MYH14: variants seen among roughly 807,000 people sequenced by gnomAD.
The protein encoded by MYH14 is myosin-14.
MYH14 carries 123 observed loss-of-function variants against 255.5 expected under a neutral mutation model. The ratio of observed to expected loss-of-function variants is 0.48; its 90% CI spans 0.42 to 0.56. The LOEUF (loss-of-function observed/expected upper bound fraction) is 0.56. Among genes scored for constraint, MYH14 ranks in the 20% least tolerant of loss-of-function variants. The pLI is 0.00. For missense variants in MYH14, 2,423 were observed against 2,802.3 expected (o/e 0.86, Z 3.06); for synonymous variants, 1,095 against 1,161.2 (o/e 0.94, Z 1.16).
At chr19:50,259,691 C>G (rs549765090) in intron 19 of MYH14, among the ~76,000 whole-genome samples, 2 of 152,154 alleles carry the variant, frequency 1.3e-5, no homozygotes, top group African/African-American at 4.8e-5. Flanking sequence ...CCAGCCTGAC[C>G]AACGTGGAGA....
At position 50,250,347 on chromosome 19, in the gene MYH14, C is replaced by T. The variant is rs374900103; in HGVS notation, c.1657-168C>T. On this transcript the variant is annotated intron_variant, in intron 14 of 42. Transcript: ENST00000642316. The surrounding 1 kb of genome is among the most constrained non-coding windows in gnomAD (Gnocchi z 5.4). ...CGATCTCCTGACCTCGTGATCTACC[C>T]GCCTCGGCCTCCCAAAGTGCTGGGA... Among the ~76,000 whole-genome samples, 21 of 151,476 alleles carry T rather than the reference C, an allele frequency of 1.4e-4. No homozygotes were observed. The East Asian group carries it at 2.9e-3, about 21-fold the overall frequency.
At chr19:50,286,721 C>A in intron 34 of MYH14, 27 bp downstream of exon 34, 1 of 1,548,416 alleles carries the variant, frequency 6.5e-7, no homozygotes, top group Non-Finnish European at 8.7e-7. Flanking sequence ...CTCCCCGGGA[C>A]ACACTGGGTG....
chr19:50,208,358 T>A (rs1239644683), intron 1 of MYH14, among the ~76,000 whole-genome samples: 2 of 152,078 alleles, frequency 1.3e-5, no homozygotes, highest in South Asian at 4.1e-4. Flanking sequence ...GAGGTTGCAG[T>A]GAGCCAAGAT....
At chr19:50,209,783 C>CAAAAAAAA (rs1209985827) in intron 1 of MYH14, among the ~76,000 whole-genome samples, 1,032 of 65,576 alleles carry the variant, frequency 0.016, 42 homozygotes, top group African/African-American at 0.053. Flanking sequence ...GACTCCATCT[C>CAAAAAAAA]AAAAAAAAAA....
In MYH14 at chr19:50,309,969, C is replaced by A; in HGVS notation, c.*179C>A. 1.4e-6 allele frequency: 1 copy of A among 708,836 alleles called. No individual in the cohort carries two copies. The highest frequency in any genetic ancestry group is 2.5e-6 in the Non-Finnish European group (1 of 407,630). The allele number at this position is 708,836 out of a possible 1,614,324, so 43.9% of individuals were successfully genotyped here. On this transcript the variant is annotated 3_prime_UTR_variant, in exon 43 of 43. Coordinates refer to ENST00000642316, the MANE Select transcript of MYH14 (RefSeq NM_001145809.2). ...CTGCAACCTCCCATCAAAGGATGAC[C>A]CCTAAACACAGAGGAGCGGGGCAGG...
At chr19:50,290,745 C>G in intron 35 of MYH14, 142 bp from the exon 36 acceptor site, 1 of 813,078 alleles carries the variant, frequency 1.2e-6, no homozygotes, top group South Asian at 1.9e-5. Flanking sequence ...AGAGAGGAGA[C>G]CAAGTAAAGA....
At chr19:50,308,797 G>C (rs2036740262) in intron 41 of MYH14, 2 of 582,644 alleles carry the variant, frequency 3.4e-6, no homozygotes, top group East Asian at 5.6e-5. Flanking sequence ...AGGCCATGTA[G>C]GAGACAACCT....
chr19:50,218,629 T>C (rs2032629300), intron 3 of MYH14, among the ~76,000 whole-genome samples: 1 of 151,948 alleles, frequency 6.6e-6, no homozygotes, highest in African/African-American at 2.4e-5. Context: ...TTTATTTCAA[T>C]AGTTTTTGGG....
chr19:50,276,999 C>A lies in MYH14; in HGVS notation c.3825+98C>A. 1 of 879,406 alleles carries A rather than the reference C, an allele frequency of 1.1e-6. No individual in the cohort carries two copies. The highest frequency in any genetic ancestry group is 1.6e-5 in the South Asian group (1 of 61,122). The allele number at this position is 879,406 out of a possible 1,614,324, so 54.5% of individuals were successfully genotyped here. On this transcript the variant is annotated intron_variant, in intron 29 of 42. Coordinates refer to ENST00000642316, the MANE Select transcript of MYH14 (RefSeq NM_001145809.2). The surrounding 1 kb of genome is among the most constrained non-coding windows in gnomAD (Gnocchi z 4.3). Reference sequence around the variant, plus strand: ...ACCGCTGGCTGGTTCTAGGCTAGCTCATCTCCCTGGGCCCCTTTCCTCACG... The same window carrying A: ...ACCGCTGGCTGGTTCTAGGCTAGCTAATCTCCCTGGGCCCCTTTCCTCACG...
At chr19:50,220,768 G>T (rs1308558048) in intron 3 of MYH14, among the ~76,000 whole-genome samples, 1 of 152,056 alleles carries the variant, frequency 6.6e-6, no homozygotes, top group African/African-American at 2.4e-5. Context: ...GGCCGGGCTG[G>T]TCTCGAACTC....
rs765716742 is a variant in MYH14 at position 50,276,237 on chromosome 19, G to A, written c.3680+34G>A. The A allele has an allele frequency of 6.8e-7, 1 of 1,464,994 alleles. No individual in the cohort carries two copies. Among genetic ancestry groups the A allele is most frequent in the South Asian group, 1.3e-5 (1 of 77,878 alleles). The allele number at this position is 1,464,994 out of a possible 1,614,324, so 90.7% of individuals were successfully genotyped here. A position where few individuals can be genotyped will look rare whatever the true frequency, so the allele number is the denominator to read the frequency against. On this transcript the variant is annotated intron_variant, in intron 28 of 42. Transcript: ENST00000642316. The surrounding 1 kb of genome is among the most constrained non-coding windows in gnomAD (Gnocchi z 4.3). The stretch of plus-strand genomic sequence containing the variant: ...CGGTGGCAGGCCGCTGTCACAGCCT[G>A]TGCACATACAGGGCTGGGGGAAGGA...
chr19:50,308,575 A>AGG (rs2036731894), intron 41 of MYH14: 1 of 166,914 alleles, frequency 6.0e-6, no homozygotes, highest in Non-Finnish European at 1.3e-5. Flanking sequence ...CCCTCCCTGA[A>AGG]GAGAGAGGTG....
intron 10 of MYH14, among the ~76,000 whole-genome samples, chr19:50,233,172 CT>C (rs1034585063): frequency 2.9e-4 from 44 of 149,416 alleles, no homozygotes; most frequent in East Asian, 1.2e-3. Flanking sequence ...CCCACCCCCA[CT>C]TTTTTTTTTC....
intron 27 of MYH14, among the ~76,000 whole-genome samples, chr19:50,273,632 G>GTGTGTGTGTGT (rs1568526399): frequency 2.0e-5 from 3 of 151,250 alleles, no homozygotes; most frequent in Non-Finnish European, 4.4e-5. Flanking sequence ...GTGTGTGTGT[G>GTGTGTGTGTGT]GTTAAGAACA....
At chr19:50,278,779 G>A (rs537542513) in intron 30 of MYH14, among the ~76,000 whole-genome samples, 8 of 148,460 alleles carry the variant, frequency 5.4e-5, no homozygotes, top group South Asian at 4.3e-4. Context: ...GTTCGAGACC[G>A]GCCTCACCAA....
chr19:50,207,052 GAA>G (rs11334892), intron 1 of MYH14, among the ~76,000 whole-genome samples: 4,809 of 38,534 alleles, frequency 0.12, 108 homozygotes, highest in Non-Finnish European at 0.14. Context: ...GTTTCTACCA[GAA>G]AAAAAAAAAA....
At position 50,276,294 on chromosome 19, in the gene MYH14, C is replaced by G; in HGVS notation, c.3680+91C>G. ...TACAAAGTCTCTGTCTATACAGAGGCTTACTTATTGTACAGTTGTTCATGA... is the reference window on the plus strand; with the variant it reads ...TACAAAGTCTCTGTCTATACAGAGGGTTACTTATTGTACAGTTGTTCATGA... On this transcript the variant is annotated intron_variant, in intron 28 of 42. Coordinates refer to ENST00000642316, the MANE Select transcript of MYH14 (RefSeq NM_001145809.2). The surrounding 1 kb of genome is among the most constrained non-coding windows in gnomAD (Gnocchi z 4.3). 9.6e-7 allele frequency: 1 copy of G among 1,041,118 alleles called. No homozygotes were observed. 64.5% of individuals were successfully genotyped at this position (1,041,118 alleles called of 1,614,324 possible).
intron 39 of MYH14, 46 bp from the exon 40 acceptor site, chr19:50,301,615 C>T: frequency 1.3e-6 from 2 of 1,513,338 alleles, no homozygotes; most frequent in African/African-American, 1.4e-5. Context: ...TACCACCTTC[C>T]CTCTGAGACT....
chr19:50,263,453 G>C, intron 22 of MYH14, 33 bp downstream of exon 22: 1 of 1,481,656 alleles, frequency 6.7e-7, no homozygotes, highest in Non-Finnish European at 9.2e-7. Flanking sequence ...GCCCCAGTAG[G>C]GAGAGGATAG....
Sources: allele counts gnomAD v4.1 joint callset (sites outside exome capture counted in the v4.1 genomes callset), GRCh38; gene constraint gnomAD v4.1.1; non-coding constraint Gnocchi (gnomAD v3.1); transcripts MANE v1.5; gene names NCBI Gene and HGNC (gene_info 2026-07-23, HGNC 2026-07-21).